Variants in C16orf87 observed in about 807,000 individuals in gnomAD.
C16orf87 encodes HDAC and MIER1 interacting protein 1.
C16orf87 carries 13 observed loss-of-function variants against 21.0 expected under a neutral mutation model. That is an observed-to-expected ratio of 0.62 (90% CI 0.40 to 0.98). The LOEUF (loss-of-function observed/expected upper bound fraction) is 0.98, where lower values mean the gene tolerates loss of function less well. Among genes scored for constraint, C16orf87 ranks in the 50% least tolerant of loss-of-function variants. The pLI, the probability that C16orf87 is intolerant of heterozygous loss-of-function variation, is 0.00. For missense variants in C16orf87, 113 were observed against 180.4 expected (o/e 0.63, Z 2.14); for synonymous variants, 49 against 60.2 (o/e 0.81, Z 0.86).
intron 2 of C16orf87, among the ~76,000 whole-genome samples, chr16:46,820,694 G>A (rs187779492): frequency 3.5e-4 from 53 of 152,192 alleles, no homozygotes; most frequent in African/African-American, 1.2e-3. Context: ...AAACAATTAG[G>A]CTCTCTAGGC....
chr16:46,805,796 T>G (rs1967913404), intron 3 of C16orf87, among the ~76,000 whole-genome samples: 1 of 152,242 alleles, frequency 6.6e-6, no homozygotes, highest in Admixed American at 6.5e-5. Flanking sequence ...TATCTTTATT[T>G]GGGGCCTTTT....
intron 1 of C16orf87, among the ~76,000 whole-genome samples, chr16:46,825,892 C>T (rs1177393265): frequency 8.0e-6 from 1 of 124,386 alleles, no homozygotes; most frequent in East Asian, 2.3e-4. Flanking sequence ...CTAGCCTGGG[C>T]AACATGAGCA....
chr16:46,805,671 T>G (rs1426980259), intron 3 of C16orf87, among the ~76,000 whole-genome samples: 1 of 152,220 alleles, frequency 6.6e-6, no homozygotes, highest in Non-Finnish European at 1.5e-5. Flanking sequence ...ATGCTCATAT[T>G]TAGGAGAGTG....
chr16:46,819,604 C>T (rs117185987), intron 2 of C16orf87, among the ~76,000 whole-genome samples: 2 of 152,090 alleles, frequency 1.3e-5, no homozygotes, highest in East Asian at 1.9e-4. Flanking sequence ...GCCACCGTGC[C>T]GGCTGAGCAT....
chr16:46,828,902 A>C (rs1412677200), intron 1 of C16orf87, among the ~76,000 whole-genome samples: 1 of 152,228 alleles, frequency 6.6e-6, no homozygotes, highest in African/African-American at 2.4e-5. Context: ...CATATCACCA[A>C]AAGTTTTAAT....
At chr16:46,827,886 A>AT (rs1959679199) in intron 1 of C16orf87, among the ~76,000 whole-genome samples, 2 of 139,160 alleles carry the variant, frequency 1.4e-5, no homozygotes, top group South Asian at 4.5e-4. Flanking sequence ...CCCAGCCTGG[A>AT]TTTTTTAAAT....
intron 1 of C16orf87, among the ~76,000 whole-genome samples, chr16:46,829,297 A>C (rs1959753278): frequency 6.6e-6 from 1 of 152,170 alleles, no homozygotes; most frequent in African/African-American, 2.4e-5. Context: ...TTTTATATGA[A>C]AGAATAAATA....
At chr16:46,829,282 G>A (rs1320031440) in intron 1 of C16orf87, among the ~76,000 whole-genome samples, 1 of 152,178 alleles carries the variant, frequency 6.6e-6, no homozygotes, top group African/African-American at 2.4e-5. Flanking sequence ...AGCTGGGTAA[G>A]CTGATTTTAT....
chr16:46,825,183 G>A (rs1035942842), intron 1 of C16orf87, among the ~76,000 whole-genome samples: 3 of 152,194 alleles, frequency 2.0e-5, no homozygotes, highest in African/African-American at 7.2e-5. Flanking sequence ...AAAAGGGTGA[G>A]TGGGTAGGAA....
chr16:46,804,424 T>C (rs1261940646), intron 3 of C16orf87, among the ~76,000 whole-genome samples: 21 of 152,204 alleles, frequency 1.4e-4, no homozygotes, highest in African/African-American at 2.4e-5. Context: ...AAAGGCAGTA[T>C]TGGTAGCAAA....
chr16:46,802,858 T>G lies in C16orf87; in HGVS notation c.*94A>C. 1 of 695,504 alleles carries G rather than the reference T, an allele frequency of 1.4e-6. No homozygotes were observed. The allele number at this position is 695,504 out of a possible 1,614,324, so 43.1% of individuals were successfully genotyped here. A position where few individuals can be genotyped will look rare whatever the true frequency, so the allele number is the denominator to read the frequency against. On this transcript the variant is annotated 3_prime_UTR_variant, in exon 4 of 4. Transcript: ENST00000285697. Reference sequence around the variant, plus strand: ...GAAAGAAACAATCGATGGCCCTTATTGATGCAGTCAGAATGCTCCTGAGAG... The same window carrying G: ...GAAAGAAACAATCGATGGCCCTTATGGATGCAGTCAGAATGCTCCTGAGAG...
At chr16:46,826,618 T>C (rs980668918) in intron 1 of C16orf87, among the ~76,000 whole-genome samples, 1 of 152,314 alleles carries the variant, frequency 6.6e-6, no homozygotes, top group East Asian at 1.9e-4. Context: ...AAACTCCAGA[T>C]TTGTCTAACA....
Position 46,831,073 on chromosome 16 carries a change from C to G in C16orf87, c.66+11G>C. The G allele has an allele frequency of 6.4e-7, 1 of 1,561,474 alleles. No individual in the cohort carries two copies. Among genetic ancestry groups the G allele is most frequent in the Non-Finnish European group, 8.7e-7 (1 of 1,151,794 alleles). On this transcript the variant is annotated intron_variant, in intron 1 of 3. Coordinates refer to ENST00000285697, the MANE Select transcript of C16orf87 (RefSeq NM_001001436.4). Reference sequence around the variant, plus strand: ...TGCCGCCCGCCCGCGCGCCCGGCCCCCGGCACCCACCTGTTGGTCGCACTC... The same window carrying G: ...TGCCGCCCGCCCGCGCGCCCGGCCCGCGGCACCCACCTGTTGGTCGCACTC...
chr16:46,813,851 C>G (rs1450165191), intron 2 of C16orf87, among the ~76,000 whole-genome samples: 1 of 152,188 alleles, frequency 6.6e-6, no homozygotes, highest in East Asian at 1.9e-4. Context: ...CAGCTATAAT[C>G]TGTTATTTAT....
chr16:46,816,130 C>T (rs1050408458), intron 2 of C16orf87, among the ~76,000 whole-genome samples: 1 of 152,122 alleles, frequency 6.6e-6, no homozygotes, highest in Non-Finnish European at 1.5e-5. Context: ...ATAAGCCAGA[C>T]ATAAAAGTAC....
At chr16:46,817,648 A>C (rs1968288664) in intron 2 of C16orf87, among the ~76,000 whole-genome samples, 1 of 152,048 alleles carries the variant, frequency 6.6e-6, no homozygotes, top group South Asian at 2.1e-4. Context: ...ATATCAGGCC[A>C]CTGCACTCCA....
intron 2 of C16orf87, among the ~76,000 whole-genome samples, chr16:46,820,077 C>T (rs1959356146): frequency 6.6e-6 from 1 of 152,162 alleles, no homozygotes; most frequent in South Asian, 2.1e-4. Flanking sequence ...CTACCACCTC[C>T]CTATTTCTCT....
In C16orf87 at chr16:46,796,664, C is replaced by G. The variant is rs1051868759; in HGVS notation, c.*6288G>C. The G allele has an allele frequency of 6.6e-6, 1 of 152,112 alleles. No individual in the cohort carries two copies. Among genetic ancestry groups the G allele is most frequent in the African/African-American group, 2.4e-5 (1 of 41,408 alleles). 9.4% of individuals were successfully genotyped at this position (152,112 alleles called of 1,614,324 possible). ...AATGTGAACATACATATTGAAACATCATGCTGCATACAATATATGATTTTG... is the reference window on the plus strand; with the variant it reads ...AATGTGAACATACATATTGAAACATGATGCTGCATACAATATATGATTTTG... On this transcript the variant is annotated 3_prime_UTR_variant, in exon 4 of 4. Transcript: ENST00000285697.
chr16:46,797,343 TA>T lies in C16orf87; in HGVS notation c.*5608del, dbSNP rs1359860583. 1 of 152,132 alleles carries T rather than the reference TA, an allele frequency of 6.6e-6. No individual in the cohort carries two copies. The highest frequency in any genetic ancestry group is 1.5e-5 in the Non-Finnish European group (1 of 68,040). The allele number at this position is 152,132 out of a possible 1,614,324, so 9.4% of individuals were successfully genotyped here. A position where few individuals can be genotyped will look rare whatever the true frequency, so the allele number is the denominator to read the frequency against. Reference sequence around the variant, plus strand: ...AAAAAATACATTATCTGATGAGTCTTATTTTTTATTTTTATTTTTTGAGACA... The same window carrying T: ...AAAAAATACATTATCTGATGAGTCTTTTTTTTATTTTTATTTTTTGAGACA... On this transcript the variant is annotated 3_prime_UTR_variant, in exon 4 of 4. Coordinates refer to ENST00000285697, the MANE Select transcript of C16orf87 (RefSeq NM_001001436.4).
Sources: gnomAD v4.1 joint callset for allele counts (sites outside exome capture counted in the v4.1 genomes callset) on GRCh38, gnomAD v4.1.1 for gene constraint, MANE v1.5 for transcripts, NCBI Gene and HGNC (gene_info 2026-07-23, HGNC 2026-07-21) for gene names.